VPS13B: variants seen among roughly 807,000 people sequenced by gnomAD.
VPS13B encodes the protein intermembrane lipid transfer protein VPS13B.
A neutral mutation model predicts 426.4 loss-of-function variants in VPS13B; 285 were observed. The ratio of observed to expected loss-of-function variants is 0.67; its 90% confidence interval spans 0.61 to 0.74. VPS13B has a LOEUF of 0.74. VPS13B is among the 30% of genes least tolerant of loss of function. VPS13B has a pLI of 0.00. For missense variants in VPS13B, 4,537 were observed against 4,782.6 expected (o/e 0.95, Z 1.51); for synonymous variants, 1,676 against 1,676.4 (o/e 1.00, Z 0.01).
chr8:99,688,460 G>A (rs1831512012), intron 35 of VPS13B, among the ~76,000 whole-genome samples: 1 of 151,988 alleles, frequency 6.6e-6, no homozygotes, highest in South Asian at 2.1e-4. Context: ...TTTTGGCTTG[G>A]GACCAGATAA....
At position 99,875,594 on chromosome 8, in the gene VPS13B, A is replaced by G. The variant is rs1817663657; in HGVS notation, c.11922A>G (p.Pro3974=). The G allele has an allele frequency of 1.2e-6, 2 of 1,614,092 alleles. No individual in the cohort carries two copies. Among genetic ancestry groups the G allele is most frequent in the South Asian group, 1.1e-5 (1 of 91,092 alleles). ...AAACATACCATTACCTGGTTGATCC[A>G]CATTTTGCTCAGGTCTTCCTTAGTA... The part of the protein sequence containing the change: ...TVKTYHYLVD[P]HFAQVFLSKF... The change falls in exon 62 of 62, where the codon CCA becomes CCG. Residue 3974 remains proline, a synonymous_variant. Transcript: ENST00000357162.
At chr8:99,867,907 C>A in intron 58 of VPS13B, 2 of 303,432 alleles carry the variant, frequency 6.6e-6, no homozygotes, top group Admixed American at 9.2e-5. Flanking sequence ...TGAATCAGTG[C>A]AAATGTATTG....
At chr8:99,598,200 C>T (rs1000177181) in intron 33 of VPS13B, among the ~76,000 whole-genome samples, 7 of 151,948 alleles carry the variant, frequency 4.6e-5, no homozygotes, top group African/African-American at 7.2e-5. Flanking sequence ...AGTTCAGATC[C>T]GTTTTAGTCT....
At position 99,741,438 on chromosome 8, in the gene VPS13B, A is replaced by T. The variant is rs553079140; in HGVS notation, c.7050+20391A>T. Among the ~76,000 whole-genome samples, 3 of 152,336 alleles carry T rather than the reference A, an allele frequency of 2.0e-5. No homozygotes were observed. The South Asian group carries it at 6.2e-4, about 32-fold the overall frequency. On this transcript the variant is annotated intron_variant, in intron 39 of 61. Coordinates refer to ENST00000357162, the MANE Select transcript of VPS13B (RefSeq NM_152564.5). ...AACCAGACAGAAAGTTAACAAGGATATCCAGGAATTGAACTCAGCTGTGCA... is the reference window on the plus strand; with the variant it reads ...AACCAGACAGAAAGTTAACAAGGATTTCCAGGAATTGAACTCAGCTGTGCA...
intron 17 of VPS13B, among the ~76,000 whole-genome samples, chr8:99,253,124 A>G (rs1484777288): frequency 2.0e-5 from 3 of 152,128 alleles, no homozygotes; most frequent in Non-Finnish European, 4.4e-5. Context: ...TTCACTAAGC[A>G]TAATTTTTTC....
intron 33 of VPS13B, among the ~76,000 whole-genome samples, chr8:99,588,361 A>T (rs563316811): frequency 2.6e-5 from 4 of 151,764 alleles, no homozygotes; most frequent in Admixed American, 2.0e-4. Flanking sequence ...GAAGAAAGTC[A>T]TTGGTAGCTT....
intron 21 of VPS13B, among the ~76,000 whole-genome samples, chr8:99,419,091 G>A (rs1816236354): frequency 6.6e-6 from 1 of 152,162 alleles, no homozygotes. Context: ...GTTGAAGGTG[G>A]GGACTGGTGG....
intron 35 of VPS13B, among the ~76,000 whole-genome samples, chr8:99,683,333 T>A (rs1352628382): frequency 6.6e-6 from 1 of 152,236 alleles, no homozygotes; most frequent in African/African-American, 2.4e-5. Flanking sequence ...TTATTCTTGT[T>A]CCTTTGCTTT....
chr8:99,578,438 A>G (rs192293391), intron 33 of VPS13B, among the ~76,000 whole-genome samples: 9 of 152,262 alleles, frequency 5.9e-5, no homozygotes, highest in African/African-American at 2.2e-4. Flanking sequence ...TATGTATTAT[A>G]ACTGTGACAT....
chr8:99,055,691 C>A (rs1046829084), intron 3 of VPS13B, among the ~76,000 whole-genome samples: 2 of 151,884 alleles, frequency 1.3e-5, no homozygotes, highest in Non-Finnish European at 2.9e-5. Context: ...TCATTTGTTG[C>A]TAGTGTACAG....
At chr8:99,424,664 G>A (rs1299232035) in intron 21 of VPS13B, 2 of 152,068 alleles carry the variant, frequency 1.3e-5, no homozygotes, top group African/African-American at 2.4e-5. Context: ...AGAAGCAAGA[G>A]CAAACACATT....
chr8:99,226,871 T>C (rs1816050737), intron 17 of VPS13B, among the ~76,000 whole-genome samples: 1 of 152,230 alleles, frequency 6.6e-6, no homozygotes, highest in East Asian at 1.9e-4. Flanking sequence ...TGAGTATTTA[T>C]CATTTCTATA....
At chr8:99,402,329 C>G (rs1815081632) in intron 21 of VPS13B, among the ~76,000 whole-genome samples, 1 of 152,172 alleles carries the variant, frequency 6.6e-6, no homozygotes, top group East Asian at 1.9e-4. Flanking sequence ...GCCGCACTTG[C>G]ACTACACCTG....
At chr8:99,054,143 G>A (rs1843712263) in intron 3 of VPS13B, among the ~76,000 whole-genome samples, 2 of 152,212 alleles carry the variant, frequency 1.3e-5, no homozygotes, top group Non-Finnish European at 2.9e-5. Flanking sequence ...ACATGGGTGT[G>A]CAAATCTCTC....
intron 30 of VPS13B, 70 bp downstream of exon 30, chr8:99,521,080 C>T (rs1016474604): frequency 5.8e-5 from 70 of 1,203,134 alleles, no homozygotes; most frequent in Non-Finnish European, 8.3e-5. Flanking sequence ...TGGTCAATAA[C>T]TTAGTGTGGC....
At chr8:99,405,216 G>A (rs1307365740) in intron 21 of VPS13B, among the ~76,000 whole-genome samples, 2 of 151,588 alleles carry the variant, frequency 1.3e-5, no homozygotes, top group African/African-American at 2.4e-5. Context: ...ATATCCAACT[G>A]CCTACACATC....
At chr8:99,749,045 A>G (rs893486029) in intron 39 of VPS13B, among the ~76,000 whole-genome samples, 7 of 152,146 alleles carry the variant, frequency 4.6e-5, no homozygotes, top group Middle Eastern at 3.4e-3. Context: ...ATTCATGTTT[A>G]TCAGATTTAA....
At chr8:99,582,849 G>A (rs1223483962) in intron 33 of VPS13B, among the ~76,000 whole-genome samples, 1 of 152,102 alleles carries the variant, frequency 6.6e-6, no homozygotes, top group Non-Finnish European at 1.5e-5. Context: ...GAGAGACGGG[G>A]TTTCACCGTG....
chr8:99,821,419 A>G lies in VPS13B; in HGVS notation c.9120A>G (p.Thr3040=). Residue 3040 remains threonine, a synonymous_variant, in exon 50 of 62, where the codon ACA becomes ACG. Transcript: ENST00000357162. ...WKDGGNGEVV[T]LDEEAFVDTE... The stretch of plus-strand genomic sequence containing the variant: ...ATGGAGGTAATGGTGAAGTTGTGAC[A>G]CTGGATGAAGAAGCGTTTGTTGATA... 6.2e-7 allele frequency: 1 copy of G among 1,613,900 alleles called. No homozygotes were observed.
Sources: gnomAD v4.1 joint callset for allele counts (sites outside exome capture counted in the v4.1 genomes callset) on GRCh38, gnomAD v4.1.1 for gene constraint, MANE v1.5 for transcripts, NCBI Gene and HGNC (gene_info 2026-07-23, HGNC 2026-07-21) for gene names.